The following PLSCR5 variants were observed in gnomAD, a reference collection of about 807,000 sequenced individuals.
PLSCR5 encodes phospholipid scramblase family, member 5.
A neutral mutation model predicts 33.6 loss-of-function variants in PLSCR5; 44 were observed. The observed-to-expected ratio is 1.31, with a 90% CI of 1.03 to 1.69. The LOEUF (loss-of-function observed/expected upper bound fraction) is 1.69, where lower values mean the gene tolerates loss of function less well. PLSCR5 is among the 40% of genes most tolerant of loss of function. PLSCR5 has a pLI of 0.00. For synonymous variants in PLSCR5, 148 were observed against 112.3 expected (o/e 1.32, Z -2.01); for missense variants, 375 against 318.7 (o/e 1.18, Z -1.34).
intron 6 of PLSCR5, 21 bp from the exon 7 acceptor site, chr3:146,586,133 T>A: frequency 6.9e-7 from 1 of 1,452,704 alleles, no homozygotes; most frequent in South Asian, 1.4e-5. Context: ...GTAAACTGAA[T>A]ATAAGTGAAT....
At chr3:146,594,891 T>C (rs1247203268) in intron 3 of PLSCR5, 150 bp downstream of exon 3, 3 of 396,626 alleles carry the variant, frequency 7.6e-6, no homozygotes, top group Admixed American at 4.6e-5. Context: ...CAGCTTTTAA[T>C]TGAAAAAAGA....
chr3:146,605,099 G>T (rs9818634), intron 1 of PLSCR5, 101 bp downstream of exon 1: 2 of 1,195,904 alleles, frequency 1.7e-6, no homozygotes, highest in African/African-American at 1.6e-5. Flanking sequence ...ACAAATGACA[G>T]CTTTTAAAGT....
At chr3:146,604,914 T>G (rs1457473856) in intron 1 of PLSCR5, among the ~76,000 whole-genome samples, 1 of 152,178 alleles carries the variant, frequency 6.6e-6, no homozygotes, top group Non-Finnish European at 1.5e-5. Context: ...CATTGAAGAT[T>G]CCCATTCTAA....
rs542792957 is a variant in PLSCR5, at chr3:146,585,872, T to A, written c.*115A>T. ...AAACTGTTTTAATAAATATAATAATTAACATTTTTTTTTAACAAAAAAGCA... is the reference window on the plus strand; with the variant it reads ...AAACTGTTTTAATAAATATAATAATAAACATTTTTTTTTAACAAAAAAGCA... On this transcript the variant is annotated 3_prime_UTR_variant, in exon 8 of 8. Coordinates refer to ENST00000443512, the MANE Select transcript of PLSCR5 (RefSeq NM_001085420.2). 1.8e-4 allele frequency: 79 copies of A among 436,280 alleles called. 1 individual carries two copies. In the South Asian group the frequency reaches 2.9e-3, roughly 16 times the overall value. The allele number at this position is 436,280 out of a possible 1,614,324, so 27.0% of individuals were successfully genotyped here.
chr3:146,582,592 C>A (rs568695365), downstream of PLSCR5, among the ~76,000 whole-genome samples: 22 of 152,220 alleles, frequency 1.4e-4, no homozygotes, highest in African/African-American at 5.1e-4. Context: ...CTAACCTCAC[C>A]CTTGGCATGT....
At chr3:146,600,844 G>A (rs2044807723) in intron 1 of PLSCR5, among the ~76,000 whole-genome samples, 1 of 148,338 alleles carries the variant, frequency 6.7e-6, no homozygotes, top group African/African-American at 2.5e-5. Flanking sequence ...AATGTGGAGA[G>A]TAATTATCGG....
intron 7 of PLSCR5, among the ~76,000 whole-genome samples, chr3:146,579,395 C>T (rs1406485092): frequency 2.0e-5 from 3 of 151,984 alleles, no homozygotes; most frequent in Non-Finnish European, 4.4e-5. Flanking sequence ...AAGTAGTAAA[C>T]GTTTATGTTA....
downstream of PLSCR5, among the ~76,000 whole-genome samples, chr3:146,582,412 G>C (rs953337970): frequency 1.1e-4 from 16 of 152,142 alleles, no homozygotes; most frequent in African/African-American, 3.9e-4. Flanking sequence ...CACACTAGGA[G>C]GACAGAGTGG....
At chr3:146,601,657 A>C (rs1242936704) in intron 1 of PLSCR5, among the ~76,000 whole-genome samples, 2 of 152,192 alleles carry the variant, frequency 1.3e-5, no homozygotes, top group African/African-American at 4.8e-5. Context: ...AAGTATTCTC[A>C]TTACTCATAT....
chr3:146,600,130 A>G (rs574653004), intron 2 of PLSCR5, among the ~76,000 whole-genome samples, 158 bp downstream of exon 2: 1 of 152,342 alleles, frequency 6.6e-6, no homozygotes, highest in South Asian at 2.1e-4. Flanking sequence ...GTAGAAATAA[A>G]TAAAGTTAAT....
intron 4 of PLSCR5, 32 bp downstream of exon 4, chr3:146,593,888 A>T: frequency 6.3e-7 from 1 of 1,582,276 alleles, no homozygotes; most frequent in Non-Finnish European, 8.7e-7. Context: ...AATCTTAAAA[A>T]TCAAAAAGGA....
intron 1 of PLSCR5, among the ~76,000 whole-genome samples, chr3:146,604,106 G>T (rs1459387368): frequency 6.6e-6 from 1 of 152,110 alleles, no homozygotes; most frequent in Non-Finnish European, 1.5e-5. Context: ...ATTACAAATT[G>T]ATGAGCCCTA....
intron 3 of PLSCR5, among the ~76,000 whole-genome samples, chr3:146,594,814 C>T (rs1459098960): frequency 1.3e-5 from 2 of 152,040 alleles, no homozygotes; most frequent in African/African-American, 4.8e-5. Flanking sequence ...ATTTGAATGG[C>T]AATATCACCA....
At position 146,591,720 on chromosome 3, in the gene PLSCR5, C is replaced by T. The variant is rs779825304; in HGVS notation, c.615G>A (p.Glu205=). The T allele has an allele frequency of 1.2e-6, 2 of 1,607,434 alleles. No homozygotes were observed. Among genetic ancestry groups the T allele is most frequent in the South Asian group, 2.2e-5 (2 of 89,566 alleles). The change falls in exon 5 of 8, where the codon GAG becomes GAA. Residue 205 remains glutamate (E), a splice_region_variant and synonymous_variant. Transcript: ENST00000443512. The part of the protein sequence containing the change: ...TCGCFGDVDF[E]VKTINEKLTI... ...ACTTCTTTCATTTTGTCAATTGTACCTCAAAATCCACATCGCCAAAACAGC... is the reference window on the plus strand; with the variant it reads ...ACTTCTTTCATTTTGTCAATTGTACTTCAAAATCCACATCGCCAAAACAGC...
intron 2 of PLSCR5, among the ~76,000 whole-genome samples, chr3:146,596,848 C>T (rs530979876): frequency 2.6e-5 from 4 of 151,830 alleles, no homozygotes; most frequent in Non-Finnish European, 1.5e-5. Flanking sequence ...TTTTAAGATT[C>T]ACAAAAAATA....
intron 1 of PLSCR5, 141 bp from the exon 2 acceptor site, chr3:146,600,604 T>C (rs1370424719): frequency 2.3e-6 from 2 of 878,014 alleles, no homozygotes; most frequent in South Asian, 4.0e-5. Flanking sequence ...TTCTTTTCAC[T>C]ACTCACTGCC....
intron 1 of PLSCR5, among the ~76,000 whole-genome samples, chr3:146,601,855 C>T (rs1325833430): frequency 6.6e-6 from 1 of 151,852 alleles, no homozygotes; most frequent in East Asian, 1.9e-4. Flanking sequence ...TAGTAAATTT[C>T]TCATCATTAA....
rs899275636 is a variant in PLSCR5, at chr3:146,591,863, G to A, written c.472C>T (p.Pro158Ser). The change falls in exon 5 of 8, where the codon CCT becomes TCT. Residue 158 changes from proline to serine, a missense_variant. Pro to Ser is a moderately conservative substitution (Grantham distance 74, BLOSUM62 -1). Transcript: ENST00000443512. ...GTAACGTAACCAACTATAGTACCAG[G>A]AGGGGCTTGGATTTCTAACTGTAAG... ...YLQELEIQAP[P>S]GTIVGYVTQK... is the part of the protein sequence containing the mutation. The A allele has an allele frequency of 6.2e-7, 1 of 1,605,558 alleles. No homozygotes were observed. The highest frequency in any genetic ancestry group is 1.3e-5 in the African/African-American group (1 of 74,720).
intron 7 of PLSCR5, among the ~76,000 whole-genome samples, chr3:146,579,269 A>T (rs2044618403): frequency 6.6e-6 from 1 of 152,186 alleles, no homozygotes; most frequent in African/African-American, 2.4e-5. Context: ...AGAAAGGAAA[A>T]AATGCTTAAT....
Sources: allele counts gnomAD v4.1 joint callset (sites outside exome capture counted in the v4.1 genomes callset), GRCh38; gene constraint gnomAD v4.1.1; transcripts MANE v1.5; gene names NCBI Gene and HGNC (gene_info 2026-07-23, HGNC 2026-07-21).